HYAL4: variants seen among roughly 807,000 people sequenced by gnomAD.
The protein encoded by HYAL4 is hyaluronidase-4.
HYAL4 carries 37 observed loss-of-function variants against 35.2 expected under a neutral mutation model. The observed-to-expected ratio is 1.05, with a 90% CI of 0.81 to 1.38. The LOEUF is 1.38. Among genes scored for constraint, HYAL4 ranks in the 40% most tolerant of loss-of-function variants. HYAL4 has a pLI of 0.00. For missense variants in HYAL4, 572 were observed against 572.4 expected, an observed-to-expected ratio of 1.00 and a Z score of 0.01; for synonymous variants, 198 against 203.2, an observed-to-expected ratio of 0.97 and a Z score of 0.22.
the HYAL4 span, among the ~76,000 whole-genome samples, chr7:123,820,829 A>G: frequency 1.3e-5 from 2 of 152,168 alleles, no homozygotes; most frequent in South Asian, 4.1e-4. Flanking sequence ...TCAGCCCCTT[A>G]CAACTATTAC....
intron 1 of HYAL4, among the ~76,000 whole-genome samples, chr7:123,836,746 C>T (rs1805970273): frequency 6.6e-6 from 1 of 151,786 alleles, no homozygotes; most frequent in African/African-American, 2.4e-5. Flanking sequence ...ATTTGGAGCT[C>T]TTGGCCAGGT....
At chr7:123,874,499 G>T (rs188897142) in intron 3 of HYAL4, among the ~76,000 whole-genome samples, 71 of 152,178 alleles carry the variant, frequency 4.7e-4, no homozygotes, top group African/African-American at 1.5e-3. Context: ...CGTCTCCTGG[G>T]TTCAAATGAT....
chr7:123,782,714 C>G, the HYAL4 span, among the ~76,000 whole-genome samples: 2 of 151,988 alleles, frequency 1.3e-5, no homozygotes, highest in Non-Finnish European at 2.9e-5. Flanking sequence ...TTTCTTGATT[C>G]AATAAGCTTG....
the HYAL4 span, among the ~76,000 whole-genome samples, chr7:123,796,726 T>C: frequency 6.6e-6 from 1 of 152,190 alleles, no homozygotes; most frequent in Non-Finnish European, 1.5e-5. Context: ...GAATGTAGTA[T>C]ATATATACAA....
At chr7:123,785,943 G>C in the HYAL4 span, among the ~76,000 whole-genome samples, 1 of 150,864 alleles carries the variant, frequency 6.6e-6, no homozygotes, top group South Asian at 2.1e-4. This position sits in a 1 kb window ranked among gnomAD's most constrained non-coding sequence, Gnocchi z 4.5. Context: ...GTAGAAACAA[G>C]AAAACAAAAC....
chr7:123,832,442 C>T (rs1473379878), intron 1 of HYAL4, among the ~76,000 whole-genome samples: 1 of 146,382 alleles, frequency 6.8e-6, no homozygotes, highest in Admixed American at 6.9e-5. Context: ...CCCTTTTCAC[C>T]CTTTCCCCCT....
the HYAL4 span, among the ~76,000 whole-genome samples, chr7:123,788,359 T>C: frequency 6.6e-6 from 1 of 152,248 alleles, no homozygotes; most frequent in African/African-American, 2.4e-5. Context: ...TAGAAACTTT[T>C]AGATGCATTA....
the HYAL4 span, among the ~76,000 whole-genome samples, chr7:123,772,011 C>G: frequency 5.3e-5 from 8 of 152,154 alleles, no homozygotes; most frequent in Middle Eastern, 3.4e-3. Context: ...TCTTCTCCAG[C>G]CCTCAGACTG....
chr7:123,782,245 C>G, the HYAL4 span, among the ~76,000 whole-genome samples: 9 of 152,182 alleles, frequency 5.9e-5, no homozygotes, highest in Non-Finnish European at 1.5e-5. Context: ...AGCCAGCATT[C>G]TTCAATCATC....
At chr7:123,811,852 T>C in the HYAL4 span, among the ~76,000 whole-genome samples, 2 of 152,078 alleles carry the variant, frequency 1.3e-5, no homozygotes, top group Non-Finnish European at 2.9e-5. Flanking sequence ...TTGTTGTTGT[T>C]GTTGTCGGAG....
chr7:123,855,248 A>T (rs1410191146), intron 2 of HYAL4, among the ~76,000 whole-genome samples: 24 of 152,064 alleles, frequency 1.6e-4, no homozygotes, highest in Admixed American at 1.6e-3. Context: ...TGTTATTATG[A>T]TGCTAGCTGG....
rs746899564 is a variant in HYAL4 at position 123,868,344 on chromosome 7, T to A, written c.71T>A (p.Leu24His). The A allele has an allele frequency of 1.9e-6, 3 of 1,600,496 alleles. No homozygotes were observed. The highest frequency in any genetic ancestry group is 1.8e-5 in the Admixed American group (1 of 56,190). The change falls in exon 3 of 5, where the codon CTT becomes CAT. Residue 24 changes from leucine to histidine, a missense_variant. By Grantham distance (99) the Leu-to-His change is moderately conservative. Transcript: ENST00000223026. ...CCAGTACATCTCACTTCATGGCTCC[T>A]TATATTTTTTATTCTAAAGTCTATC... is the stretch of plus-strand genomic sequence containing the variant. ...VQPVHLTSWLLIFFILKSISC... is the reference protein window; with the variant it reads ...VQPVHLTSWLHIFFILKSISC...
the HYAL4 span, among the ~76,000 whole-genome samples, chr7:123,788,877 T>G: frequency 6.6e-6 from 1 of 152,228 alleles, no homozygotes; most frequent in Non-Finnish European, 1.5e-5. Context: ...TGTAAGCCAA[T>G]TTTCAAGCCT....
At chr7:123,769,061 TAGAA>T in the HYAL4 span, among the ~76,000 whole-genome samples, 2 of 152,230 alleles carry the variant, frequency 1.3e-5, no homozygotes, top group Admixed American at 1.3e-4. Context: ...AATACTGAAG[TAGAA>T]TTTTAATGAT....
the HYAL4 span, among the ~76,000 whole-genome samples, chr7:123,819,057 A>G: frequency 6.6e-6 from 1 of 152,158 alleles, no homozygotes; most frequent in Non-Finnish European, 1.5e-5. Context: ...AATTGTAATT[A>G]TGTATTCTTT....
chr7:123,860,982 A>G (rs1010119927), intron 2 of HYAL4, among the ~76,000 whole-genome samples: 6 of 152,186 alleles, frequency 3.9e-5, no homozygotes, highest in Non-Finnish European at 8.8e-5. Context: ...GACTGAGGCA[A>G]AATTTGAAAT....
At chr7:123,799,639 A>T in the HYAL4 span, among the ~76,000 whole-genome samples, 2 of 151,190 alleles carry the variant, frequency 1.3e-5, no homozygotes, top group Non-Finnish European at 1.5e-5. Context: ...AAATACAAAA[A>T]ATATATATAA....
At chr7:123,786,007 CCT>C in the HYAL4 span, among the ~76,000 whole-genome samples, 6 of 152,178 alleles carry the variant, frequency 3.9e-5, no homozygotes, top group Admixed American at 2.6e-4. Context: ...GCTAGAATCA[CCT>C]CTCTTTTCTG....
the HYAL4 span, among the ~76,000 whole-genome samples, chr7:123,765,857 C>T: frequency 6.6e-6 from 1 of 152,074 alleles, no homozygotes; most frequent in Non-Finnish European, 1.5e-5. Flanking sequence ...GAAACCATTG[C>T]CCCAAGGACA....
Sources: gnomAD v4.1 joint callset for allele counts (sites outside exome capture counted in the v4.1 genomes callset) on GRCh38, gnomAD v4.1.1 for gene constraint, Gnocchi (gnomAD v3.1) non-coding constraint, MANE v1.5 for transcripts, NCBI Gene and HGNC (gene_info 2026-07-23, HGNC 2026-07-21) for gene names.